KMT2C: variants seen among roughly 807,000 people sequenced by gnomAD.
KMT2C encodes the protein histone-lysine N-methyltransferase 2C.
KMT2C carries 88 observed loss-of-function variants against 507.9 expected under a neutral mutation model. The ratio of observed to expected loss-of-function variants is 0.17; its 90% CI spans 0.15 to 0.21. The LOEUF (loss-of-function observed/expected upper bound fraction) is 0.21, where lower values mean the gene tolerates loss of function less well. Ranked by LOEUF, KMT2C falls within the 10% of genes least tolerant of loss-of-function variation. The probability of loss-of-function intolerance (pLI) is 1.00; values close to 1 mark genes in which losing one functional copy is unlikely to be tolerated. For missense variants in KMT2C, 4,954 were observed against 5,957.8 expected, an observed-to-expected ratio of 0.83 and a Z score of 5.55; for synonymous variants, 2,049 against 2,080.8, an observed-to-expected ratio of 0.98 and a Z score of 0.42.
intron 2 of KMT2C, among the ~76,000 whole-genome samples, chr7:152,343,145 A>G (rs1444207462): frequency 6.6e-6 from 1 of 152,226 alleles, no homozygotes; most frequent in Non-Finnish European, 1.5e-5. Flanking sequence ...GCAACATCAG[A>G]ACTAGACTTG....
At chr7:152,325,487 G>T (rs2096820298) in intron 3 of KMT2C, among the ~76,000 whole-genome samples, 1 of 147,270 alleles carries the variant, frequency 6.8e-6, no homozygotes, top group Non-Finnish European at 1.5e-5. Flanking sequence ...TTGAGACAGG[G>T]TCTCACTATG....
chr7:152,284,377 G>A (rs1422715962), intron 6 of KMT2C, among the ~76,000 whole-genome samples: 1 of 152,130 alleles, frequency 6.6e-6, no homozygotes, highest in Non-Finnish European at 1.5e-5. Context: ...TTAGAATGAT[G>A]CTGGAACTGC....
intron 6 of KMT2C, among the ~76,000 whole-genome samples, chr7:152,299,628 G>A (rs2096548798): frequency 1.3e-5 from 2 of 152,106 alleles, no homozygotes; most frequent in African/African-American, 4.8e-5. Context: ...TAGCTTGGGT[G>A]ACAGAGTAAG....
intron 18 of KMT2C, among the ~76,000 whole-genome samples, chr7:152,227,006 C>T (rs2094953997): frequency 6.6e-6 from 1 of 152,204 alleles, no homozygotes; most frequent in Non-Finnish European, 1.5e-5. Context: ...ACTAAGTTTT[C>T]TTCACAGATA....
intron 23 of KMT2C, chr7:152,220,221 G>C (rs1322482302): frequency 5.6e-6 from 2 of 356,362 alleles, no homozygotes; most frequent in African/African-American, 4.1e-5. Context: ...GAGAAGGTTT[G>C]TGTCGTTATC....
At chr7:152,289,703 C>G (rs560555199) in intron 6 of KMT2C, among the ~76,000 whole-genome samples, 1 of 152,196 alleles carries the variant, frequency 6.6e-6, no homozygotes, top group South Asian at 2.1e-4. Context: ...TTAACTAATT[C>G]CAATACTTAA....
chr7:152,409,251 C>T (rs2116653572), intron 1 of KMT2C, among the ~76,000 whole-genome samples: 1 of 152,116 alleles, frequency 6.6e-6, no homozygotes, highest in South Asian at 2.1e-4. Flanking sequence ...GAGTGATCCA[C>T]CTGCCTCAGC....
At chr7:152,400,292 G>C (rs1198428711) in intron 1 of KMT2C, among the ~76,000 whole-genome samples, 1 of 145,772 alleles carries the variant, frequency 6.9e-6, no homozygotes, top group East Asian at 2.0e-4. Context: ...CTGGGCAACA[G>C]AGCAAGACTC....
At chr7:152,209,162 A>AC (rs1383756918) in intron 23 of KMT2C, among the ~76,000 whole-genome samples, 1 of 137,528 alleles carries the variant, frequency 7.3e-6, no homozygotes, top group East Asian at 2.0e-4. Context: ...TCCAACTCTC[A>AC]AAAAAAAAAA....
chr7:152,154,424 A>T lies in KMT2C; in HGVS notation c.11982T>A (p.Asp3994Glu), dbSNP rs753980181. The T allele has an allele frequency of 1.2e-6, 2 of 1,613,694 alleles. No individual in the cohort carries two copies. The highest frequency in any genetic ancestry group is 1.7e-6 in the Non-Finnish European group (2 of 1,179,998). The change falls in exon 47 of 59, where the codon GAT (aspartate) becomes GAA (glutamate). Residue 3994 changes from aspartate (D) to glutamate (E), a missense_variant. Physicochemically the swap from Asp to Glu is conservative, Grantham distance 45. Around this residue, in one of 29 missense-constraint regions of KMT2C, gnomAD observed 104 missense variants for 134.3 expected, o/e 0.77. Transcript: ENST00000262189. ...EELRIQDHCG[D>E]RDTPDSFVPS... ...GAACAAAACTGTCAGGAGTATCTCG[A>T]TCACCACAGTGATCCTGTATCCTGA... is the stretch of plus-strand genomic sequence containing the variant.
At chr7:152,369,965 G>A (rs776374511) in intron 1 of KMT2C, among the ~76,000 whole-genome samples, 10 of 152,058 alleles carry the variant, frequency 6.6e-5, no homozygotes, top group Non-Finnish European at 1.3e-4. Context: ...TAATCCCAGC[G>A]GGCAGATCAT....
At chr7:152,358,134 T>G (rs891346444) in intron 2 of KMT2C, among the ~76,000 whole-genome samples, 4 of 152,222 alleles carry the variant, frequency 2.6e-5, no homozygotes, top group African/African-American at 9.7e-5. Flanking sequence ...TAAGGGCACC[T>G]AAAAGTCCAA....
rs143821095 is a variant in KMT2C at position 152,163,009 on chromosome 7, G to A, written c.10568C>T (p.Pro3523Leu). ...PSFVPDSPSI[P>L]VGSPNFSSVK... is the part of the protein sequence containing the mutation. Reference sequence around the variant, plus strand: ...AGAAGAAAAATTTGGGCTTCCAACAGGGATTGATGGTGAATCAGGAACAAA... The same window carrying A: ...AGAAGAAAAATTTGGGCTTCCAACAAGGATTGATGGTGAATCAGGAACAAA... The change falls in exon 43 of 59, where the codon CCT becomes CTT. Residue 3523 changes from proline to leucine, a missense_variant. Physicochemically the swap from Pro to Leu is moderately conservative, Grantham distance 98. Coordinates refer to ENST00000262189, the MANE Select transcript of KMT2C (RefSeq NM_170606.3). The A allele has an allele frequency of 3.5e-5, 57 of 1,614,046 alleles. No homozygotes were observed. Among genetic ancestry groups the A allele is most frequent in the Non-Finnish European group, 4.2e-5 (49 of 1,180,028 alleles).
chr7:152,355,238 G>A (rs1267559475), intron 2 of KMT2C, among the ~76,000 whole-genome samples: 1 of 152,162 alleles, frequency 6.6e-6, no homozygotes, highest in Non-Finnish European at 1.5e-5. Flanking sequence ...AATATACAGT[G>A]GCAATATACC....
At chr7:152,183,628 G>A (rs2093508531) in intron 34 of KMT2C, among the ~76,000 whole-genome samples, 3 of 152,148 alleles carry the variant, frequency 2.0e-5, no homozygotes, top group Admixed American at 2.0e-4. Flanking sequence ...CAGGCGCAGT[G>A]GCTCACACCT....
intron 3 of KMT2C, among the ~76,000 whole-genome samples, chr7:152,327,851 A>G (rs2096843277): frequency 6.6e-6 from 1 of 150,826 alleles, no homozygotes; most frequent in Non-Finnish European, 1.5e-5. Context: ...CCAGCTACTC[A>G]GGAGGCTGAG....
intron 23 of KMT2C, among the ~76,000 whole-genome samples, chr7:152,211,423 G>A (rs1341731688): frequency 2.0e-5 from 3 of 152,198 alleles, no homozygotes; most frequent in Non-Finnish European, 4.4e-5. Context: ...GAAAACACAT[G>A]TAACACAGGA....
intron 1 of KMT2C, among the ~76,000 whole-genome samples, chr7:152,415,508 C>T (rs77737943): frequency 1.3e-5 from 2 of 152,012 alleles, no homozygotes; most frequent in Admixed American, 6.6e-5. Flanking sequence ...ATTAATGATA[C>T]GAAACAGTTA....
rs1452806287 is a variant in KMT2C at position 152,163,125 on chromosome 7, C to T, written c.10452G>A (p.Gln3484=). ...QHQQQMGQVL[Q]QQNIQQGSIN... is the part of the protein sequence containing the mutation. ...TTGATCCTTGTTGTATATTCTGCTGCTGTAAAACCTGCCCCATTTGCTGTT... is the reference window on the plus strand; with the variant it reads ...TTGATCCTTGTTGTATATTCTGCTGTTGTAAAACCTGCCCCATTTGCTGTT... The change falls in exon 43 of 59, where the codon CAG becomes CAA. Residue 3484 remains glutamine (Q), a synonymous_variant. Coordinates refer to ENST00000262189, the MANE Select transcript of KMT2C (RefSeq NM_170606.3). The T allele has an allele frequency of 3.1e-6, 5 of 1,614,110 alleles. No individual in the cohort carries two copies. In the Admixed American group the frequency reaches 6.7e-5, roughly 22 times the overall value.
Sources: allele counts gnomAD v4.1 joint callset (sites outside exome capture counted in the v4.1 genomes callset), GRCh38; gene constraint gnomAD v4.1.1; regional missense constraint gnomAD v4.1.1; transcripts MANE v1.5; gene names NCBI Gene and HGNC (gene_info 2026-07-23, HGNC 2026-07-21).